RPH3AL: variants seen among roughly 807,000 people sequenced by gnomAD.
RPH3AL encodes rab effector Noc2.
In RPH3AL, 38 loss-of-function variants were observed where a neutral mutation model predicts 43.1. The ratio of observed to expected loss-of-function variants is 0.88; its 90% CI spans 0.68 to 1.15. The LOEUF (loss-of-function observed/expected upper bound fraction) is 1.15, where lower values mean the gene tolerates loss of function less well. RPH3AL is among the 50% of genes most tolerant of loss of function. RPH3AL has a pLI of 0.00. For missense variants in RPH3AL, 462 were observed against 423.2 expected, an observed-to-expected ratio of 1.09 and a Z score of -0.81; for synonymous variants, 189 against 176.3, an observed-to-expected ratio of 1.07 and a Z score of -0.57.
intron 3 of RPH3AL, among the ~76,000 whole-genome samples, chr17:325,429 C>T (rs1156624207): frequency 6.6e-6 from 1 of 152,208 alleles, no homozygotes; most frequent in Admixed American, 6.5e-5. Context: ...TTTGCACTCA[C>T]AACACACTGA....
rs905165908 is a variant in RPH3AL, at chr17:289,120, G to A, written c.352-7266C>T. Among the ~76,000 whole-genome samples, 1 of 152,106 alleles carries A rather than the reference G, an allele frequency of 6.6e-6. No homozygotes were observed. Among genetic ancestry groups the A allele is most frequent in the Admixed American group, 6.6e-5 (1 of 15,260 alleles). On this transcript the variant is annotated intron_variant, in intron 5 of 9. Coordinates refer to ENST00000331302, the MANE Select transcript of RPH3AL (RefSeq NM_006987.4). The surrounding 1 kb of genome is among the most constrained non-coding windows in gnomAD (Gnocchi z 5.2). ...GCCGTTTAGAGGTGAACTTGGACTC[G>A]GTACTCGCCTTCTGAGCCTCACTTC...
chr17:253,600 C>T (rs1031319371), intron 6 of RPH3AL, among the ~76,000 whole-genome samples: 4 of 152,134 alleles, frequency 2.6e-5, no homozygotes, highest in African/African-American at 4.8e-5. Context: ...CAAACTGAAA[C>T]TCTATAACCA....
At chr17:351,033 C>A (rs576956673) in intron 1 of RPH3AL, among the ~76,000 whole-genome samples, 1 of 152,160 alleles carries the variant, frequency 6.6e-6, no homozygotes, top group Non-Finnish European at 1.5e-5. Flanking sequence ...ATGCTCCCCC[C>A]TTCTAGGACT....
At chr17:316,432 A>T (rs2044193317) in intron 5 of RPH3AL, among the ~76,000 whole-genome samples, 1 of 142,774 alleles carries the variant, frequency 7.0e-6, no homozygotes, top group African/African-American at 2.7e-5. Context: ...ACCTCCATTG[A>T]CCTGTAGTCT....
At chr17:228,823 C>T (rs970537615) in intron 7 of RPH3AL, among the ~76,000 whole-genome samples, 2 of 152,186 alleles carry the variant, frequency 1.3e-5, no homozygotes, top group African/African-American at 4.8e-5. Flanking sequence ...CCCCACCATG[C>T]TCTTCTGTGC....
chr17:307,946 G>C (rs2043542301), intron 5 of RPH3AL, among the ~76,000 whole-genome samples: 1 of 152,172 alleles, frequency 6.6e-6, no homozygotes, highest in Non-Finnish European at 1.5e-5. Flanking sequence ...CCAATCCTCC[G>C]ATCCCAGCAA....
At chr17:271,537 A>C (rs987302773) in intron 6 of RPH3AL, among the ~76,000 whole-genome samples, 3 of 152,230 alleles carry the variant, frequency 2.0e-5, no homozygotes, top group Admixed American at 2.0e-4. Context: ...TCTTTGAAGC[A>C]ATTGTGAATG....
In RPH3AL at chr17:302,919, C is replaced by T. The variant is rs533459970; in HGVS notation, c.351+16501G>A. 3.9e-5 allele frequency among the ~76,000 whole-genome samples: 6 copies of T among 152,298 alleles called. No individual in the cohort carries two copies. In the East Asian group the frequency reaches 5.8e-4, roughly 15 times the overall value. On this transcript the variant is annotated intron_variant, in intron 5 of 9. Coordinates refer to ENST00000331302, the MANE Select transcript of RPH3AL (RefSeq NM_006987.4). The stretch of plus-strand genomic sequence containing the variant: ...GTGGGAGAAGGACAAACACCCAGAC[C>T]CCGAAGGTCAGGGGCGGGAGCTTCG...
chr17:322,422 G>C lies in RPH3AL; in HGVS notation c.78-1007C>G, dbSNP rs947688651. Reference sequence around the variant, plus strand: ...GAACTACAATATGGTGGGGGTGGCAGATGCCAATCAATGACACAGATACCT... The same window carrying C: ...GAACTACAATATGGTGGGGGTGGCACATGCCAATCAATGACACAGATACCT... On this transcript the variant is annotated intron_variant, in intron 3 of 9. Coordinates refer to ENST00000331302, the MANE Select transcript of RPH3AL (RefSeq NM_006987.4). This position sits in a 1 kb window ranked among gnomAD's most constrained non-coding sequence, Gnocchi z 4.0. 6.6e-6 allele frequency: 1 copy of C among 152,250 alleles called. No individual in the cohort carries two copies. The highest frequency in any genetic ancestry group is 1.9e-4 in the East Asian group (1 of 5,190). 9.4% of individuals were successfully genotyped at this position (152,250 alleles called of 1,614,324 possible). A position where few individuals can be genotyped will look rare whatever the true frequency, so the allele number is the denominator to read the frequency against.
intron 5 of RPH3AL, among the ~76,000 whole-genome samples, chr17:282,620 A>G (rs1055501091): frequency 6.6e-5 from 10 of 152,362 alleles, no homozygotes; most frequent in African/African-American, 2.4e-4. Context: ...TAACTTATAA[A>G]TACAATTACT....
At chr17:219,815 G>A (rs2040912812) in intron 7 of RPH3AL, 79 bp from the exon 8 acceptor site, 1 of 1,032,970 alleles carries the variant, frequency 9.7e-7, no homozygotes. Flanking sequence ...ACGAGGGCAG[G>A]CCTCCCCAGC....
intron 6 of RPH3AL, among the ~76,000 whole-genome samples, chr17:269,594 G>A (rs184221025): frequency 5.9e-5 from 9 of 152,284 alleles, no homozygotes; most frequent in African/African-American, 1.4e-4. Context: ...ACTACCCAAC[G>A]TCTTTGGGCA....
At chr17:281,540 A>C (rs776656072) in intron 6 of RPH3AL, among the ~76,000 whole-genome samples, 3 of 151,388 alleles carry the variant, frequency 2.0e-5, no homozygotes, top group Non-Finnish European at 2.9e-5. Flanking sequence ...CCACCCCTGC[A>C]TAGGGGAAGT....
intron 7 of RPH3AL, among the ~76,000 whole-genome samples, chr17:238,181 GAGAA>G (rs1039844319): frequency 3.2e-5 from 4 of 124,946 alleles, no homozygotes; most frequent in Admixed American, 8.2e-5. Flanking sequence ...GAGAGAGAGA[GAGAA>G]AGAAAGGAAG....
At chr17:321,239 C>A in intron 4 of RPH3AL, 33 bp downstream of exon 4, 1 of 1,592,264 alleles carries the variant, frequency 6.3e-7, no homozygotes, top group South Asian at 1.1e-5. Context: ...CCCTTGCTGT[C>A]CTCCCACTGA....
At chr17:297,244 C>A (rs2043205642) in intron 5 of RPH3AL, among the ~76,000 whole-genome samples, 1 of 152,276 alleles carries the variant, frequency 6.6e-6, no homozygotes, top group African/African-American at 2.4e-5. Context: ...CCTCTCCCAT[C>A]TGGCGGCTGC....
intron 6 of RPH3AL, among the ~76,000 whole-genome samples, chr17:278,168 T>C (rs1426194568): frequency 1.3e-5 from 2 of 152,104 alleles, no homozygotes; most frequent in African/African-American, 4.8e-5. Flanking sequence ...GGCGGTTCCC[T>C]CCATACTGTT....
At chr17:263,340 G>C (rs1555546957) in intron 6 of RPH3AL, among the ~76,000 whole-genome samples, 3 of 152,202 alleles carry the variant, frequency 2.0e-5, no homozygotes, top group African/African-American at 7.2e-5. Flanking sequence ...CAGAGGGGAA[G>C]CAGAGGAGTC....
intron 1 of RPH3AL, chr17:349,256 G>C (rs11871110): frequency 1.3e-5 from 2 of 151,904 alleles, no homozygotes; most frequent in Non-Finnish European, 2.9e-5. Flanking sequence ...AGGGAAACTC[G>C]CCTGGGCAGG....
Sources: gnomAD v4.1 joint callset for allele counts (sites outside exome capture counted in the v4.1 genomes callset) on GRCh38, gnomAD v4.1.1 for gene constraint, Gnocchi (gnomAD v3.1) non-coding constraint, MANE v1.5 for transcripts, NCBI Gene and HGNC (gene_info 2026-07-23, HGNC 2026-07-21) for gene names.